Variants in PREX2 observed in about 807,000 individuals in gnomAD.
PREX2 encodes the protein phosphatidylinositol-3,4,5-trisphosphate dependent Rac exchange factor 2, also known as phosphatidylinositol 3,4,5-trisphosphate-dependent Rac exchanger 2 protein.
In PREX2, 107 loss-of-function variants were observed where a neutral mutation model predicts 203.2. The ratio of observed to expected loss-of-function variants is 0.53; its 90% CI spans 0.45 to 0.62. The LOEUF (loss-of-function observed/expected upper bound fraction) is 0.62. Ranked by LOEUF, PREX2 falls within the 20% of genes least tolerant of loss-of-function variation. The pLI is 0.00. For missense variants in PREX2, 1,777 were observed against 1,955.9 expected, an observed-to-expected ratio of 0.91 and a Z score of 1.72; for synonymous variants, 672 against 663.6, an observed-to-expected ratio of 1.01 and a Z score of -0.19.
chr8:67,980,693 A>G (rs1289616357), intron 1 of PREX2, among the ~76,000 whole-genome samples: 2 of 152,226 alleles, frequency 1.3e-5, no homozygotes, highest in Admixed American at 6.5e-5. Flanking sequence ...TGGTTCCCCC[A>G]TACTGTTCTC....
rs144714426 is a variant in PREX2 at position 68,164,828 on chromosome 8, C to T, written c.4346+7392C>T. ...AACTCCCAACCTCAGGTGATCTGCC[C>T]GCCTTGGCCTCCCAAAATTCTGGGA... On this transcript the variant is annotated intron_variant, in intron 35 of 39. Coordinates refer to ENST00000288368, the MANE Select transcript of PREX2 (RefSeq NM_024870.4). Among the ~76,000 whole-genome samples, 1,272 of 151,308 alleles carry T rather than the reference C, an allele frequency of 8.4e-3. 14 individuals are homozygous for T. Among genetic ancestry groups the T allele is most frequent in the African/African-American group, 0.029 (1,208 of 41,234 alleles).
intron 9 of PREX2, among the ~76,000 whole-genome samples, chr8:68,054,662 C>G (rs190319025): frequency 1.3e-5 from 2 of 152,280 alleles, no homozygotes; most frequent in Admixed American, 1.3e-4. Context: ...AACTAGATTC[C>G]TTGCCTGGGT....
intron 35 of PREX2, among the ~76,000 whole-genome samples, chr8:68,162,894 A>G (rs1011526516): frequency 6.6e-6 from 1 of 152,244 alleles, no homozygotes; most frequent in Non-Finnish European, 1.5e-5. Flanking sequence ...ATTTTAAAAT[A>G]TCATACAAGC....
At chr8:68,148,017 C>T (rs147460586) in intron 34 of PREX2, among the ~76,000 whole-genome samples, 1 of 152,146 alleles carries the variant, frequency 6.6e-6, no homozygotes, top group Non-Finnish European at 1.5e-5. Flanking sequence ...GAGGCCGAGG[C>T]AGGTGAATCA....
chr8:67,975,990 A>G (rs1255562903), intron 1 of PREX2, among the ~76,000 whole-genome samples: 1 of 151,476 alleles, frequency 6.6e-6, no homozygotes, highest in African/African-American at 2.4e-5. Context: ...TGCTGGGATT[A>G]CAGGCGTGAG....
At chr8:68,027,108 A>C in intron 4 of PREX2, 114 bp from the exon 5 acceptor site, 1 of 738,578 alleles carries the variant, frequency 1.4e-6, no homozygotes, top group Non-Finnish European at 2.4e-6. Flanking sequence ...TCTTAGAGAA[A>C]GAAAGTATAT....
intron 35 of PREX2, among the ~76,000 whole-genome samples, chr8:68,176,578 C>T (rs541639874): frequency 6.6e-6 from 1 of 152,242 alleles, no homozygotes; most frequent in Admixed American, 6.5e-5. Flanking sequence ...TCTAATCTGT[C>T]CATTCAGGCT....
intron 37 of PREX2, among the ~76,000 whole-genome samples, chr8:68,205,530 A>C (rs1812605680): frequency 1.3e-5 from 2 of 152,204 alleles, no homozygotes; most frequent in Admixed American, 1.3e-4. Context: ...CCTATGTAGA[A>C]CCGTACCAGC....
rs76331568 is a variant in PREX2 at position 67,979,019 on chromosome 8, T to G, written c.141+26484T>G. 1.3e-3 allele frequency among the ~76,000 whole-genome samples: 204 copies of G among 152,344 alleles called. 1 individual carries two copies. Among genetic ancestry groups the G allele is most frequent in the East Asian group, 4.2e-3 (22 of 5,192 alleles). On this transcript the variant is annotated intron_variant, in intron 1 of 39. Coordinates refer to ENST00000288368, the MANE Select transcript of PREX2 (RefSeq NM_024870.4). ...TGTCCTTTCAATTAGACATTCTTGT[T>G]GAATTAATAACAGCTTATTGGAAAA...
intron 11 of PREX2, among the ~76,000 whole-genome samples, chr8:68,061,508 C>T (rs980205064): frequency 5.3e-5 from 8 of 152,234 alleles, no homozygotes; most frequent in Admixed American, 3.3e-4. Context: ...CCAGGAGTGG[C>T]GGGACAAGGT....
At chr8:67,976,513 CAGAGACAGAGACAG>C (rs1806096308) in intron 1 of PREX2, among the ~76,000 whole-genome samples, 1 of 63,772 alleles carries the variant, frequency 1.6e-5, no homozygotes, top group African/African-American at 6.0e-5. Context: ...GAGGGACAGA[CAGAGACAGAGACAG>C]AGAGAGAGAG....
At chr8:68,077,923 T>C (rs1809397643) in intron 15 of PREX2, among the ~76,000 whole-genome samples, 1 of 152,142 alleles carries the variant, frequency 6.6e-6, no homozygotes, top group African/African-American at 2.4e-5. Context: ...AGAACAAAAT[T>C]ATAGATCTCT....
chr8:68,135,026 G>A (rs1811086186), intron 32 of PREX2, among the ~76,000 whole-genome samples: 3 of 151,956 alleles, frequency 2.0e-5, no homozygotes, highest in Admixed American at 2.0e-4. Flanking sequence ...AAACATGAGA[G>A]CCTATTTCAT....
intron 1 of PREX2, among the ~76,000 whole-genome samples, chr8:67,971,418 T>C (rs554500759): frequency 1.3e-5 from 2 of 152,234 alleles, no homozygotes; most frequent in South Asian, 2.1e-4. Flanking sequence ...AAGTCAAGAA[T>C]TGCTATTTTT....
chr8:67,977,164 T>TATAAA (rs1806134676), intron 1 of PREX2, among the ~76,000 whole-genome samples: 1 of 152,120 alleles, frequency 6.6e-6, no homozygotes, highest in African/African-American at 2.4e-5. Flanking sequence ...TGAATAGGAT[T>TATAAA]AGTACGCTTA....
chr8:68,071,084 A>G (rs1809180488), intron 13 of PREX2, among the ~76,000 whole-genome samples: 1 of 152,166 alleles, frequency 6.6e-6, no homozygotes, highest in Non-Finnish European at 1.5e-5. Flanking sequence ...TTAATGTACC[A>G]TGTAACCTGT....
chr8:68,129,489 G>T (rs961252152), intron 31 of PREX2, among the ~76,000 whole-genome samples: 22 of 152,074 alleles, frequency 1.4e-4, no homozygotes, highest in African/African-American at 4.8e-4. Flanking sequence ...ATTTGAAAAG[G>T]GTAGACTGTG....
chr8:67,966,191 T>C (rs1449491289), intron 1 of PREX2, among the ~76,000 whole-genome samples: 2 of 152,184 alleles, frequency 1.3e-5, no homozygotes, highest in Non-Finnish European at 2.9e-5. Context: ...TGTGAAAATA[T>C]AAGCAAACCG....
At chr8:67,987,175 A>AAAT (rs1308782958) in intron 1 of PREX2, among the ~76,000 whole-genome samples, 7 of 120,886 alleles carry the variant, frequency 5.8e-5, no homozygotes, top group African/African-American at 2.2e-4. Context: ...AAAAAAAAAA[A>AAAT]AAAGAACACC....
Sources: allele counts gnomAD v4.1 joint callset (sites outside exome capture counted in the v4.1 genomes callset), GRCh38; gene constraint gnomAD v4.1.1; transcripts MANE v1.5; gene names NCBI Gene and HGNC (gene_info 2026-07-23, HGNC 2026-07-21).